TBC1D14: variants seen among roughly 807,000 people sequenced by gnomAD.
The protein encoded by TBC1D14 is TBC1 domain family, member 14.
In TBC1D14, 26 loss-of-function variants were observed where a neutral mutation model predicts 79.0. That is an observed-to-expected ratio of 0.33 (90% CI 0.24 to 0.46). The LOEUF is 0.46. Ranked by LOEUF, TBC1D14 falls within the 20% of genes least tolerant of loss-of-function variation. The pLI is 1.00. For synonymous variants in TBC1D14, 394 were observed against 349.9 expected (o/e 1.13, Z -1.40); for missense variants, 769 against 887.6 (o/e 0.87, Z 1.70).
intron 3 of TBC1D14, among the ~76,000 whole-genome samples, chr4:6,976,497 G>A: frequency 6.6e-6 from 1 of 152,186 alleles, no homozygotes; most frequent in Admixed American, 6.5e-5. Context: ...AAACCGTGGA[G>A]GCCAGAAAAA....
chr4:6,920,670 G>T (rs1723777923), intron 1 of TBC1D14, among the ~76,000 whole-genome samples: 1 of 152,092 alleles, frequency 6.6e-6, no homozygotes, highest in South Asian at 2.1e-4. Context: ...TTTTCTTGTG[G>T]TACTTGATTT....
At chr4:6,922,511 A>C (rs973905422) in intron 1 of TBC1D14, among the ~76,000 whole-genome samples, 1 of 152,182 alleles carries the variant, frequency 6.6e-6, no homozygotes, top group African/African-American at 2.4e-5. Flanking sequence ...TCCGTGGTAA[A>C]GGGGATACTA....
chr4:6,984,178 GT>G (rs1477814608), intron 3 of TBC1D14, among the ~76,000 whole-genome samples: 24 of 152,290 alleles, frequency 1.6e-4, no homozygotes, highest in Middle Eastern at 3.4e-3. Context: ...GTGTACCTTG[GT>G]TCTGTCATTT....
At chr4:6,919,223 T>A (rs1276380169) in intron 1 of TBC1D14, among the ~76,000 whole-genome samples, 2 of 152,040 alleles carry the variant, frequency 1.3e-5, no homozygotes, top group African/African-American at 4.8e-5. Flanking sequence ...TTCAGCTCAC[T>A]GCAACCTCCA....
At chr4:6,949,797 C>T (rs1353642090) in intron 2 of TBC1D14, among the ~76,000 whole-genome samples, 1 of 148,682 alleles carries the variant, frequency 6.7e-6, no homozygotes, top group Non-Finnish European at 1.5e-5. Flanking sequence ...ATGTTTCTTT[C>T]ATTAAATTTA....
intron 13 of TBC1D14, among the ~76,000 whole-genome samples, 163 bp downstream of exon 13, chr4:7,025,425 C>T (rs947998745): frequency 6.6e-6 from 1 of 152,160 alleles, no homozygotes; most frequent in Non-Finnish European, 1.5e-5. Context: ...TGCCACAGGG[C>T]GTCTCGGCGG....
At chr4:6,914,436 A>C (rs1264087959) in intron 1 of TBC1D14, among the ~76,000 whole-genome samples, 1 of 152,192 alleles carries the variant, frequency 6.6e-6, no homozygotes, top group African/African-American at 2.4e-5. Flanking sequence ...CTACTTTTAT[A>C]ATGGCCTTTT....
intron 10 of TBC1D14, 62 bp from the exon 11 acceptor site, chr4:7,010,591 G>A: frequency 6.4e-7 from 1 of 1,556,884 alleles, no homozygotes; most frequent in Non-Finnish European, 8.7e-7. Context: ...TGCTAAAAAT[G>A]AACACACTAC....
At chr4:7,025,531 G>A (rs551499332) in intron 13 of TBC1D14, among the ~76,000 whole-genome samples, 1 of 152,310 alleles carries the variant, frequency 6.6e-6, no homozygotes, top group South Asian at 2.1e-4. Flanking sequence ...GTCAGCACTT[G>A]TATCATTATA....
chr4:6,916,902 A>G (rs768461812), intron 1 of TBC1D14, among the ~76,000 whole-genome samples: 59 of 152,214 alleles, frequency 3.9e-4, no homozygotes, highest in Admixed American at 7.2e-4. Context: ...TGCGTACTGC[A>G]GTGGTCACTG....
chr4:6,933,117 G>C (rs950860188), intron 2 of TBC1D14, among the ~76,000 whole-genome samples: 10 of 151,878 alleles, frequency 6.6e-5, no homozygotes, highest in Admixed American at 6.6e-5. Context: ...CCTCCATATT[G>C]AAAACCAGCA....
At chr4:6,984,950 C>T (rs68111914) in intron 3 of TBC1D14, among the ~76,000 whole-genome samples, 17,424 of 152,146 alleles carry the variant, frequency 0.11, 1,508 homozygotes, top group African/African-American at 0.24. Flanking sequence ...TGGTGCAGCT[C>T]AATTGATGCC....
intron 2 of TBC1D14, among the ~76,000 whole-genome samples, chr4:6,941,180 CTTTTTTTTTTT>C (rs35201238): frequency 1.1e-5 from 1 of 87,758 alleles, no homozygotes; most frequent in African/African-American, 5.2e-5. Flanking sequence ...AGGAAAGCAG[CTTTTTTTTTTT>C]TTTTTTTTTT....
rs28757648 is a variant in TBC1D14 at position 6,943,467 on chromosome 4, G to A, written c.722+19356G>A. On this transcript the variant is annotated intron_variant, in intron 2 of 13. Coordinates refer to ENST00000409757, the MANE Select transcript of TBC1D14 (RefSeq NM_020773.3). ...GTCCAGACCAGTTGGTGTGGCCTAC[G>A]GGGCGTGCAGGATCTGGCTGCTGCC... 5.3e-3 allele frequency among the ~76,000 whole-genome samples: 807 copies of A among 152,284 alleles called. 7 individuals are homozygous for A. The highest frequency in any genetic ancestry group is 0.018 in the African/African-American group (763 of 41,548).
chr4:6,955,845 G>A (rs1005460031), intron 2 of TBC1D14, among the ~76,000 whole-genome samples: 2 of 152,164 alleles, frequency 1.3e-5, no homozygotes, highest in Admixed American at 6.6e-5. Flanking sequence ...TGCCTTCAGG[G>A]ACAGGTAGCA....
intron 11 of TBC1D14, among the ~76,000 whole-genome samples, chr4:7,013,246 C>A (rs1720946289): frequency 6.6e-6 from 1 of 152,224 alleles, no homozygotes; most frequent in Non-Finnish European, 1.5e-5. Context: ...TTGCCAGCCT[C>A]CATATCCCCG....
At chr4:6,917,081 ACT>A (rs1723465829) in intron 1 of TBC1D14, among the ~76,000 whole-genome samples, 1 of 151,950 alleles carries the variant, frequency 6.6e-6, no homozygotes. Context: ...GCTGGTGTGC[ACT>A]CTCCGGGAAC....
At chr4:6,917,184 G>T (rs983456888) in intron 1 of TBC1D14, among the ~76,000 whole-genome samples, 4 of 152,182 alleles carry the variant, frequency 2.6e-5, no homozygotes, top group African/African-American at 9.7e-5. Context: ...ATGTTTCTTG[G>T]CTGGGACTGT....
intron 2 of TBC1D14, among the ~76,000 whole-genome samples, chr4:6,927,422 G>A (rs532551023): frequency 6.6e-6 from 1 of 152,182 alleles, no homozygotes; most frequent in African/African-American, 2.4e-5. Flanking sequence ...CTTAAGTAGG[G>A]GATAAAACTA....
Sources: allele counts gnomAD v4.1 joint callset (sites outside exome capture counted in the v4.1 genomes callset), GRCh38; gene constraint gnomAD v4.1.1; transcripts MANE v1.5; gene names NCBI Gene and HGNC (gene_info 2026-07-23, HGNC 2026-07-21).